The following CADM2 variants were observed in gnomAD, a reference collection of about 807,000 sequenced individuals.
The protein encoded by CADM2 is cell adhesion molecule 2, also known as immunoglobulin superfamily member 4D.
Under a neutral mutation model 49.8 loss-of-function variants are expected in CADM2, and 12 were observed. That is an observed-to-expected ratio of 0.24 (90% confidence interval 0.15 to 0.39). The LOEUF (loss-of-function observed/expected upper bound fraction) is 0.39, where lower values mean the gene tolerates loss of function less well. Ranked by LOEUF, CADM2 falls within the 10% of genes least tolerant of loss-of-function variation. The pLI is 1.00. For synonymous variants in CADM2, 214 were observed against 175.4 expected, an observed-to-expected ratio of 1.22 and a Z score of -1.74; for missense variants, 378 against 492.3, an observed-to-expected ratio of 0.77 and a Z score of 2.20.
intron 3 of CADM2, among the ~76,000 whole-genome samples, chr3:85,872,411 T>C (rs2075964032): frequency 6.6e-6 from 1 of 151,748 alleles, no homozygotes; most frequent in Admixed American, 6.5e-5. Context: ...GAATTTCACA[T>C]GTGTCTAATT....
At chr3:85,057,239 A>C (rs992102828) in intron 1 of CADM2, among the ~76,000 whole-genome samples, 1 of 152,166 alleles carries the variant, frequency 6.6e-6, no homozygotes, top group African/African-American at 2.4e-5. Context: ...CCGTGAAAAA[A>C]TACATAAACA....
At chr3:85,894,603 G>T (rs1399281499) in intron 5 of CADM2, among the ~76,000 whole-genome samples, 1 of 152,150 alleles carries the variant, frequency 6.6e-6, no homozygotes, top group African/African-American at 2.4e-5. Context: ...AATGTCTCCA[G>T]GGCATGTCAG....
chr3:85,667,891 G>A (rs2065619317), intron 1 of CADM2, among the ~76,000 whole-genome samples: 2 of 151,968 alleles, frequency 1.3e-5, no homozygotes, highest in Admixed American at 1.3e-4. Flanking sequence ...AATGACATCA[G>A]GAAGATAAGA....
intron 1 of CADM2, among the ~76,000 whole-genome samples, chr3:85,064,506 GT>G (rs2036452505): frequency 6.6e-6 from 1 of 152,032 alleles, no homozygotes; most frequent in African/African-American, 2.4e-5. Flanking sequence ...ACTTTCGGAT[GT>G]TTTACCCTGA....
rs1286949585 is a variant in CADM2, at chr3:85,410,430, G to A, written c.62-316092G>A. ...CTCCTTTTCCTTTTTTGTATATTAC[G>A]TGCTGATTTTTCTCGTGCAGCTCAT... On this transcript the variant is annotated intron_variant, in intron 1 of 9. Transcript: ENST00000383699. 3.3e-5 allele frequency among the ~76,000 whole-genome samples: 5 copies of A among 151,884 alleles called. No individual in the cohort carries two copies. In the East Asian group the frequency reaches 5.8e-4, roughly 18 times the overall value.
At chr3:85,681,148 C>T (rs2066029848) in intron 1 of CADM2, among the ~76,000 whole-genome samples, 1 of 152,070 alleles carries the variant, frequency 6.6e-6, no homozygotes, top group Non-Finnish European at 1.5e-5. Flanking sequence ...GACTTTGGCA[C>T]ACTGGGGCCT....
At chr3:85,968,325 G>A (rs1347963093) in intron 8 of CADM2, among the ~76,000 whole-genome samples, 1 of 151,592 alleles carries the variant, frequency 6.6e-6, no homozygotes, top group Non-Finnish European at 1.5e-5. Flanking sequence ...AGAGACAGGA[G>A]CACTATTTTC....
intron 1 of CADM2, among the ~76,000 whole-genome samples, chr3:85,048,834 G>A (rs567732338): frequency 1.3e-5 from 2 of 152,114 alleles, no homozygotes; most frequent in East Asian, 3.9e-4. Flanking sequence ...TCCAAAGTTT[G>A]GTATAGACTG....
chr3:85,383,503 C>CATATATAT (rs1241135851), intron 1 of CADM2, among the ~76,000 whole-genome samples: 3,377 of 108,600 alleles, frequency 0.031, 116 homozygotes, highest in Non-Finnish European at 0.045. Flanking sequence ...TACATAAAAC[C>CATATATAT]ATATATATAT....
intron 1 of CADM2, among the ~76,000 whole-genome samples, chr3:85,583,910 A>G (rs1324992834): frequency 1.3e-5 from 2 of 152,084 alleles, no homozygotes; most frequent in East Asian, 1.9e-4. Flanking sequence ...AATTCCAACT[A>G]TAGAAAATTT....
intron 1 of CADM2, among the ~76,000 whole-genome samples, chr3:85,444,443 T>TCACACACACACA (rs4053296): frequency 6.8e-6 from 1 of 147,930 alleles, no homozygotes; most frequent in African/African-American, 2.5e-5. Context: ...TCCTACACAC[T>TCACACACACACA]CACACACACA....
chr3:85,824,263 T>C (rs1446073453), intron 3 of CADM2, among the ~76,000 whole-genome samples: 3 of 152,142 alleles, frequency 2.0e-5, no homozygotes, highest in South Asian at 2.1e-4. Flanking sequence ...TCCTTGGTGG[T>C]GCAAGGATAC....
At chr3:85,666,453 A>T (rs1030062684) in intron 1 of CADM2, among the ~76,000 whole-genome samples, 1 of 151,970 alleles carries the variant, frequency 6.6e-6, no homozygotes, top group African/African-American at 2.4e-5. Flanking sequence ...CACTCATCAC[A>T]AGGTTTGTGG....
intron 1 of CADM2, among the ~76,000 whole-genome samples, chr3:85,092,020 T>C (rs2037615336): frequency 6.6e-6 from 1 of 152,196 alleles, no homozygotes; most frequent in Non-Finnish European, 1.5e-5. Context: ...CACTTCAACA[T>C]TTAAAGTAAA....
chr3:85,975,093 A>G (rs187608598), intron 8 of CADM2, among the ~76,000 whole-genome samples: 2 of 151,572 alleles, frequency 1.3e-5, no homozygotes, highest in Admixed American at 6.6e-5. Context: ...GTGTACATAT[A>G]TAAAATATAT....
At chr3:85,637,973 C>T (rs1022980732) in intron 1 of CADM2, among the ~76,000 whole-genome samples, 1 of 152,088 alleles carries the variant, frequency 6.6e-6, no homozygotes, top group Non-Finnish European at 1.5e-5. Context: ...TATTCTAATG[C>T]GATATATGAA....
intron 1 of CADM2, among the ~76,000 whole-genome samples, chr3:85,668,825 A>G (rs1482468788): frequency 2.0e-5 from 3 of 152,148 alleles, no homozygotes; most frequent in Non-Finnish European, 4.4e-5. Context: ...GTAAATGCTC[A>G]TGACATGTAG....
At chr3:85,302,186 T>C (rs1461412638) in intron 1 of CADM2, among the ~76,000 whole-genome samples, 1 of 152,074 alleles carries the variant, frequency 6.6e-6, no homozygotes, top group Non-Finnish European at 1.5e-5. Flanking sequence ...GAGAAGTCAT[T>C]ATGTAATGTT....
At chr3:85,372,284 GA>G (rs1207156492) in intron 1 of CADM2, among the ~76,000 whole-genome samples, 1 of 151,670 alleles carries the variant, frequency 6.6e-6, no homozygotes, top group African/African-American at 2.4e-5. Flanking sequence ...AGGATTAAGA[GA>G]ATATATGTTT....
Sources: gnomAD v4.1 joint callset for allele counts (sites outside exome capture counted in the v4.1 genomes callset) on GRCh38, gnomAD v4.1.1 for gene constraint, MANE v1.5 for transcripts, NCBI Gene and HGNC (gene_info 2026-07-23, HGNC 2026-07-21) for gene names.